SLK: variants seen among roughly 807,000 people sequenced by gnomAD.
SLK encodes STE20 like kinase, also known as STE20-like serine/threonine-protein kinase.
SLK carries 67 observed loss-of-function variants against 147.7 expected under a neutral mutation model. The observed-to-expected ratio is 0.45, with a 90% CI of 0.37 to 0.56. The LOEUF is 0.56. Among genes scored for constraint, SLK ranks in the 20% least tolerant of loss-of-function variants. The pLI, the probability that SLK is intolerant of heterozygous loss-of-function variation, is 0.00. For missense variants in SLK, 1,136 were observed against 1,438.8 expected, an observed-to-expected ratio of 0.79 and a Z score of 3.41; for synonymous variants, 441 against 475.0, an observed-to-expected ratio of 0.93 and a Z score of 0.93.
At chr10:104,009,978 C>T (rs182217723) in intron 12 of SLK, among the ~76,000 whole-genome samples, 1 of 152,216 alleles carries the variant, frequency 6.6e-6, no homozygotes, top group Non-Finnish European at 1.5e-5. Flanking sequence ...TACTTGTAAA[C>T]ACATGATTGT....
intron 1 of SLK, among the ~76,000 whole-genome samples, chr10:103,980,927 T>C (rs1843932972): frequency 6.6e-6 from 1 of 152,160 alleles, no homozygotes; most frequent in Admixed American, 6.6e-5. Flanking sequence ...GCTGTACCAA[T>C]TTTACATTTC....
chr10:103,973,745 T>A (rs1413071083), intron 1 of SLK, among the ~76,000 whole-genome samples: 1 of 152,210 alleles, frequency 6.6e-6, no homozygotes, highest in East Asian at 1.9e-4. Context: ...TTCCTCCTTG[T>A]TTTTGTTGTG....
intron 13 of SLK, among the ~76,000 whole-genome samples, chr10:104,016,317 TC>T (rs1378521977): frequency 6.7e-6 from 1 of 149,518 alleles, no homozygotes; most frequent in East Asian, 1.9e-4. Context: ...AGACTCTCTT[TC>T]AAAAAAAAAA....
intron 1 of SLK, among the ~76,000 whole-genome samples, chr10:103,969,309 C>T (rs891561580): frequency 2.6e-5 from 4 of 152,190 alleles, no homozygotes; most frequent in Admixed American, 6.5e-5. Context: ...CTGCCTCTGC[C>T]CTGCCTCAAA....
chr10:103,992,888 C>G, intron 3 of SLK, 96 bp from the exon 4 acceptor site: 1 of 866,408 alleles, frequency 1.2e-6, no homozygotes. Context: ...TGCATATGAT[C>G]TTTGACAGTG....
chr10:103,994,303 A>C (rs1324681476), intron 4 of SLK, among the ~76,000 whole-genome samples: 2 of 152,194 alleles, frequency 1.3e-5, no homozygotes, highest in Admixed American at 6.5e-5. Flanking sequence ...CAGGCATCCC[A>C]GAAGCTCTTC....
At chr10:103,986,931 C>T (rs1844025637) in intron 1 of SLK, among the ~76,000 whole-genome samples, 1 of 152,154 alleles carries the variant, frequency 6.6e-6, no homozygotes, top group Non-Finnish European at 1.5e-5. Flanking sequence ...CCGCCTTGGC[C>T]TCCCAAAGTG....
chr10:104,020,746 T>C (rs955568326), intron 17 of SLK, 133 bp downstream of exon 17: 53 of 865,234 alleles, frequency 6.1e-5, no homozygotes, highest in Non-Finnish European at 8.8e-5. Flanking sequence ...TTCTGTTTTT[T>C]GTACAGATCC....
chr10:103,990,056 T>A (rs1844072159), intron 1 of SLK, among the ~76,000 whole-genome samples: 1 of 152,160 alleles, frequency 6.6e-6, no homozygotes, highest in Non-Finnish European at 1.5e-5. Flanking sequence ...TAAATACATA[T>A]TACTAAGTGA....
intron 7 of SLK, 139 bp downstream of exon 7, chr10:104,000,087 A>G (rs918092121): frequency 2.2e-6 from 1 of 461,346 alleles, no homozygotes; most frequent in Non-Finnish European, 3.9e-6. Flanking sequence ...GCTTTACAAA[A>G]TAAATGCTGC....
At chr10:104,005,443 T>G (rs1477158199) in intron 9 of SLK, 118 bp from the exon 10 acceptor site, 3 of 838,176 alleles carry the variant, frequency 3.6e-6, no homozygotes, top group Non-Finnish European at 5.5e-6. Context: ...ATGTGTAGTC[T>G]GCATGGCTGT....
chr10:103,986,214 A>G (rs1278925173), intron 1 of SLK, among the ~76,000 whole-genome samples: 1 of 152,022 alleles, frequency 6.6e-6, no homozygotes, highest in Non-Finnish European at 1.5e-5. Context: ...CTTTGTTTGT[A>G]TTATTACTAC....
chr10:103,968,608 C>A (rs1300091928), intron 1 of SLK, among the ~76,000 whole-genome samples: 1 of 152,174 alleles, frequency 6.6e-6, no homozygotes, highest in Admixed American at 6.5e-5. Flanking sequence ...TATTTAATAT[C>A]TCCTAAGGAA....
chr10:104,002,184 AG>A lies in SLK; in HGVS notation c.1007del (p.Ser336IlefsTer71). Reference sequence around the variant, plus strand: ...AAATCTTTTTTAGCCAATACCTGCAAGTAAGCGTGCATCTTCTGACCTTAGT... The same window carrying A: ...AAATCTTTTTTAGCCAATACCTGCAATAAGCGTGCATCTTCTGACCTTAGT... ...ETENSLPIPA[S>X]KRASSDLSIA... On this transcript the variant is annotated frameshift_variant, in exon 9 of 19. Coordinates refer to ENST00000369755, the MANE Select transcript of SLK (RefSeq NM_014720.4). LOFTEE classifies it high-confidence loss of function. 6.3e-7 allele frequency: 1 copy of A among 1,578,168 alleles called. No homozygotes were observed. Among genetic ancestry groups the A allele is most frequent in the Non-Finnish European group, 8.6e-7 (1 of 1,162,434 alleles).
intron 1 of SLK, among the ~76,000 whole-genome samples, chr10:103,970,572 T>C (rs1419870250): frequency 2.0e-5 from 3 of 152,182 alleles, no homozygotes; most frequent in Non-Finnish European, 2.9e-5. Context: ...AAAATAAAAT[T>C]TGAAATTAAA....
intron 16 of SLK, 79 bp from the exon 17 acceptor site, chr10:104,020,409 T>C: frequency 7.2e-7 from 1 of 1,396,688 alleles, no homozygotes; most frequent in Non-Finnish European, 9.7e-7. Context: ...CCTTGTTTTG[T>C]TAAATTCCTT....
intron 13 of SLK, 55 bp from the exon 14 acceptor site, chr10:104,018,105 A>G (rs1844486875): frequency 2.1e-6 from 3 of 1,430,774 alleles, no homozygotes; most frequent in Admixed American, 2.4e-5. Flanking sequence ...ATATAGATAA[A>G]TGGATGTTTA....
At position 104,025,624 on chromosome 10, in the gene SLK, T is replaced by C. The variant is rs1844587755; in HGVS notation, c.3612T>C (p.Phe1204=). 1 of 1,613,892 alleles carries C rather than the reference T, an allele frequency of 6.2e-7. No homozygotes were observed. The highest frequency in any genetic ancestry group is 8.5e-7 in the Non-Finnish European group (1 of 1,179,764). Residue 1204 remains phenylalanine, a synonymous_variant, in exon 19 of 19, where the codon TTT becomes TTC. Transcript: ENST00000369755. ...ARKLQEQEVF[F]KMTGESECLN... is the part of the protein sequence containing the mutation. Reference sequence around the variant, plus strand: ...AACTACAGGAACAGGAAGTATTCTTTAAAATGACTGGGGAGTCTGAATGCC... The same window carrying C: ...AACTACAGGAACAGGAAGTATTCTTCAAAATGACTGGGGAGTCTGAATGCC...
Position 104,003,376 on chromosome 10 carries a change from A to G in SLK, c.2198A>G (p.Glu733Gly), listed in dbSNP as rs1844281788. 6 of 1,613,956 alleles carry G rather than the reference A, an allele frequency of 3.7e-6. No homozygotes were observed. Among genetic ancestry groups the G allele is most frequent in the Non-Finnish European group, 4.2e-6 (5 of 1,179,992 alleles). The change falls in exon 9 of 19, where the codon GAA becomes GGA. Residue 733 changes from glutamate (E) to glycine (G), a missense_variant. Coordinates refer to ENST00000369755, the MANE Select transcript of SLK (RefSeq NM_014720.4). The stretch of plus-strand genomic sequence containing the variant: ...GAAATAGGTTCTTTATCAAAAACTG[A>G]AACTATTCTGCCACCAGAATCTGAG... ...KEEIGSLSKT[E>G]TILPPESENP... is the part of the protein sequence containing the mutation.
Sources: allele counts gnomAD v4.1 joint callset (sites outside exome capture counted in the v4.1 genomes callset), GRCh38; gene constraint gnomAD v4.1.1; transcripts MANE v1.5; gene names NCBI Gene and HGNC (gene_info 2026-07-23, HGNC 2026-07-21).